CD4: variants seen among roughly 807,000 people sequenced by gnomAD.
CD4 encodes CD4 molecule, also known as T-cell surface glycoprotein CD4.
Under a neutral mutation model 50.5 loss-of-function variants are expected in CD4, and 25 were observed. The observed-to-expected ratio is 0.49, with a 90% CI of 0.36 to 0.69. The LOEUF is 0.69. Among genes scored for constraint, CD4 ranks in the 30% least tolerant of loss-of-function variants. CD4 has a pLI of 0.00. For missense variants in CD4, 456 were observed against 548.5 expected, an observed-to-expected ratio of 0.83 and a Z score of 1.68; for synonymous variants, 207 against 221.9, an observed-to-expected ratio of 0.93 and a Z score of 0.60.
intron 3 of CD4, among the ~76,000 whole-genome samples, chr12:6,804,812 C>G (rs950933547): frequency 1.3e-5 from 2 of 151,626 alleles, no homozygotes; most frequent in Non-Finnish European, 2.9e-5. Context: ...GTCAGGAGAT[C>G]GAGACCATCC....
rs781808459 is a variant in CD4 at position 6,818,897 on chromosome 12, G to A, written c.1329G>A (p.Lys443=). 8 of 1,586,990 alleles carry A rather than the reference G, an allele frequency of 5.0e-6. No homozygotes were observed. The South Asian group carries it at 7.7e-5, about 15-fold the overall frequency. Residue 443 remains lysine, a synonymous_variant, in exon 9 of 10, where the codon AAG becomes AAA. Transcript: ENST00000011653. This position sits in a 1 kb window ranked among gnomAD's most constrained non-coding sequence, Gnocchi z 5.0. The part of the protein sequence containing the change: ...SQIKRLLSEK[K]TCQCPHRFQK... ...TCAAGAGACTCCTCAGTGAGAAGAAGACCTGCCAGTGTCCTCAGTAAGGAT... is the reference window on the plus strand; with the variant it reads ...TCAAGAGACTCCTCAGTGAGAAGAAAACCTGCCAGTGTCCTCAGTAAGGAT...
In CD4 at chr12:6,800,470, A is replaced by C; in HGVS notation, c.213A>C (p.Lys71Asn). Residue 71 changes from lysine to asparagine, a missense_variant and splice_region_variant, in exon 3 of 10, where the codon AAA becomes AAC. Physicochemically the swap from Lys to Asn is moderately conservative, Grantham distance 94. Coordinates refer to ENST00000011653, the MANE Select transcript of CD4 (RefSeq NM_000616.5). ...ILGNQGSFLT[K>N]GPSKLNDRAD... ...GAAATCAGGGCTCCTTCTTAACTAA[A>C]GGTAGGGTTGCCTGGCTCCCCATCC... The C allele has an allele frequency of 6.2e-7, 1 of 1,611,650 alleles. No individual in the cohort carries two copies. Among genetic ancestry groups the C allele is most frequent in the Non-Finnish European group, 8.5e-7 (1 of 1,179,138 alleles).
intron 1 of CD4, among the ~76,000 whole-genome samples, 172 bp from the exon 2 acceptor site, chr12:6,799,900 C>T (rs186508302): frequency 6.6e-6 from 1 of 152,300 alleles, no homozygotes; most frequent in Admixed American, 6.5e-5. Flanking sequence ...CTTTCTCTTG[C>T]TTCTGCTCCT....
intron 3 of CD4, among the ~76,000 whole-genome samples, chr12:6,805,859 T>C (rs1395986534): frequency 6.6e-6 from 1 of 152,058 alleles, no homozygotes; most frequent in Non-Finnish European, 1.5e-5. Flanking sequence ...GGAAGATCGC[T>C]TGAGCCCAGG....
At position 6,795,454 on chromosome 12, in the gene CD4, C is replaced by G. The variant is rs924451850; in HGVS notation, c.-67-4618C>G. Reference sequence around the variant, plus strand: ...CTAAACCACCGTAAGAGGACCAAGCCCCCACACCTTCTGAGTGCCCCATTC... The same window carrying G: ...CTAAACCACCGTAAGAGGACCAAGCGCCCACACCTTCTGAGTGCCCCATTC... On this transcript the variant is annotated intron_variant, in intron 1 of 9. Transcript: ENST00000011653. Among the ~76,000 whole-genome samples the G allele has an allele frequency of 1.9e-4, 29 of 152,174 alleles. 1 individual carries two copies. The highest frequency in any genetic ancestry group is 3.5e-4 in the Non-Finnish European group (24 of 68,036).
At chr12:6,797,171 C>G (rs564252521) in intron 1 of CD4, among the ~76,000 whole-genome samples, 1 of 152,224 alleles carries the variant, frequency 6.6e-6, no homozygotes, top group South Asian at 2.1e-4. Context: ...TGATCCAGGA[C>G]TTTGGGAATC....
At chr12:6,800,565 T>C (rs1942514188) in intron 3 of CD4, 94 bp downstream of exon 3, 1 of 1,115,940 alleles carries the variant, frequency 9.0e-7, no homozygotes, top group Non-Finnish European at 1.3e-6. Flanking sequence ...AACTCTGGGA[T>C]CCCAGAGGGC....
At chr12:6,797,662 T>A (rs2857237) in intron 1 of CD4, among the ~76,000 whole-genome samples, 1 of 151,496 alleles carries the variant, frequency 6.6e-6, no homozygotes, top group Non-Finnish European at 1.5e-5. Flanking sequence ...CAGAAAAACA[T>A]ATGAGCAAAG....
chr12:6,793,083 G>A (rs1009089644), intron 1 of CD4, among the ~76,000 whole-genome samples: 1 of 152,084 alleles, frequency 6.6e-6, no homozygotes, highest in African/African-American at 2.4e-5. Flanking sequence ...GACACCTCTG[G>A]GGACGCTGAG....
In CD4 at chr12:6,804,162, GCACA is replaced by G. The variant is rs57392353; in HGVS notation, c.214+3718_214+3721del. Among the ~76,000 whole-genome samples the G allele has an allele frequency of 4.2e-3, 629 of 150,456 alleles. 3 individuals carry two copies. Among genetic ancestry groups the G allele is most frequent in the African/African-American group, 0.014 (586 of 40,864 alleles). ...AATAAATAAATAAATAAAATAAAAA[GCACA>G]CACACACACACACACACACACACAC... On this transcript the variant is annotated intron_variant, in intron 3 of 9. Coordinates refer to ENST00000011653, the MANE Select transcript of CD4 (RefSeq NM_000616.5).
intron 3 of CD4, among the ~76,000 whole-genome samples, chr12:6,812,979 C>G (rs1419089961): frequency 1.3e-5 from 2 of 151,888 alleles, no homozygotes; most frequent in South Asian, 2.1e-4. Context: ...ATGATCATAG[C>G]TCACTGCAGC....
chr12:6,813,324 T>G (rs1555117319), intron 3 of CD4, among the ~76,000 whole-genome samples: 1 of 151,814 alleles, frequency 6.6e-6, no homozygotes, highest in Non-Finnish European at 1.5e-5. Flanking sequence ...TTCAAAGAGC[T>G]GGGATGAGAG....
In CD4 at chr12:6,819,279, C is replaced by A; in HGVS notation, c.1347-20C>A. 6.2e-7 allele frequency: 1 copy of A among 1,614,050 alleles called. No individual in the cohort carries two copies. Among genetic ancestry groups the A allele is most frequent in the Non-Finnish European group, 8.5e-7 (1 of 1,179,912 alleles). The stretch of plus-strand genomic sequence containing the variant: ...TTGCAGTGGGGACAGACCTGCTCCC[C>A]TTCTTCTTTGTTCCTGCAGCCGGTT... On this transcript the variant is annotated intron_variant, in intron 9 of 9. Coordinates refer to ENST00000011653, the MANE Select transcript of CD4 (RefSeq NM_000616.5).
Position 6,816,299 on chromosome 12 carries a change from T to C in CD4, c.851T>C (p.Leu284Pro). The C allele has an allele frequency of 1.2e-6, 2 of 1,614,200 alleles. No homozygotes were observed. Among genetic ancestry groups the C allele is most frequent in the Non-Finnish European group, 1.7e-6 (2 of 1,180,014 alleles). The change falls in exon 6 of 10, where the codon CTG becomes CCG. Residue 284 changes from leucine to proline, a missense_variant. Transcript: ENST00000011653. The surrounding 1 kb of genome is among the most constrained non-coding windows in gnomAD (Gnocchi z 4.9). ...MGKKLPLHLT[L>P]PQALPQYAGS... ...AAGAAGCTCCCGCTCCACCTCACCCTGCCCCAGGCCTTGCCTCAGTATGCT... is the reference window on the plus strand; with the variant it reads ...AAGAAGCTCCCGCTCCACCTCACCCCGCCCCAGGCCTTGCCTCAGTATGCT...
At chr12:6,806,797 T>C (rs11064404) in intron 3 of CD4, among the ~76,000 whole-genome samples, 8,516 of 152,268 alleles carry the variant, frequency 0.056, 383 homozygotes, top group East Asian at 0.15. Flanking sequence ...GTGGAGAAAC[T>C]GGGTCATTCT....
In CD4 at chr12:6,818,473, GGGC is replaced by G. The variant is rs1565502928; in HGVS notation, c.1211_1213del (p.Gly404del). On this transcript the variant is annotated inframe_deletion, in exon 8 of 10. Transcript: ENST00000011653. The surrounding 1 kb of genome is among the most constrained non-coding windows in gnomAD (Gnocchi z 5.0). The stretch of plus-strand genomic sequence containing the variant: ...AGCCAATGGCCCTGATTGTGCTGGG[GGGC>G]GTCGCCGGCCTCCTGCTTTTCATTG... 1 of 1,612,982 alleles carries G rather than the reference GGGC, an allele frequency of 6.2e-7. No individual in the cohort carries two copies. Among genetic ancestry groups the G allele is most frequent in the East Asian group, 2.2e-5 (1 of 44,876 alleles).
intron 3 of CD4, among the ~76,000 whole-genome samples, chr12:6,812,824 C>T (rs1043487725): frequency 6.6e-5 from 10 of 151,938 alleles, no homozygotes; most frequent in South Asian, 2.1e-4. Context: ...GACAGTCTCA[C>T]TCTCTCACCA....
intron 1 of CD4, among the ~76,000 whole-genome samples, chr12:6,798,539 C>T (rs1223009310): frequency 6.6e-6 from 1 of 152,154 alleles, no homozygotes; most frequent in African/African-American, 2.4e-5. Context: ...TTTGTGAGCA[C>T]AGGGTTGGGA....
intron 3 of CD4, among the ~76,000 whole-genome samples, chr12:6,809,325 G>C (rs111398625): frequency 6.6e-6 from 1 of 151,968 alleles, no homozygotes; most frequent in African/African-American, 2.4e-5. Flanking sequence ...GCGAAACCTC[G>C]TCTCTACAAA....
Sources: allele counts gnomAD v4.1 joint callset (sites outside exome capture counted in the v4.1 genomes callset), GRCh38; gene constraint gnomAD v4.1.1; non-coding constraint Gnocchi (gnomAD v3.1); transcripts MANE v1.5; gene names NCBI Gene and HGNC (gene_info 2026-07-23, HGNC 2026-07-21).